ZBBX: variants seen among roughly 807,000 people sequenced by gnomAD.
ZBBX encodes zinc finger B-box domain-containing protein 1.
ZBBX carries 101 observed loss-of-function variants against 108.5 expected under a neutral mutation model. The ratio of observed to expected loss-of-function variants is 0.93; its 90% confidence interval spans 0.79 to 1.10. ZBBX has a LOEUF of 1.10. Among genes scored for constraint, ZBBX ranks in the 50% least tolerant of loss-of-function variants. The pLI, the probability that ZBBX is intolerant of heterozygous loss-of-function variation, is 0.00. For synonymous variants in ZBBX, 356 were observed against 323.4 expected (o/e 1.10, Z -1.08); for missense variants, 1,009 against 941.4 (o/e 1.07, Z -0.94).
chr3:167,223,297 T>C, the ZBBX span, among the ~76,000 whole-genome samples: 1 of 151,982 alleles, frequency 6.6e-6, no homozygotes, highest in Admixed American at 6.6e-5. Context: ...AGTGAAGGTC[T>C]TATTTCTTCT....
Position 167,318,848 on chromosome 3 carries a change from AG to A in ZBBX, c.984-1252del, listed in dbSNP as rs1257358452. On this transcript the variant is annotated intron_variant, in intron 12 of 21. Coordinates refer to ENST00000675490, the MANE Select transcript of ZBBX (RefSeq NM_001199201.2). ...AAAAAATATATACAGCCTGGACATT[AG>A]TTATAAATGAATTACCTTAAACCTC... Among the ~76,000 whole-genome samples, 5 of 152,074 alleles carry A rather than the reference AG, an allele frequency of 3.3e-5. No homozygotes were observed. The East Asian group carries it at 9.6e-4, about 29-fold the overall frequency.
intron 1 of ZBBX, among the ~76,000 whole-genome samples, chr3:167,402,735 ATAAG>A (rs890731593): frequency 5.3e-5 from 8 of 152,110 alleles, no homozygotes; most frequent in South Asian, 2.1e-4. Flanking sequence ...ATAAAATAAA[ATAAG>A]TAAGAAAAAT....
At chr3:167,364,639 GA>G (rs1745050974) in intron 6 of ZBBX, among the ~76,000 whole-genome samples, 1 of 151,934 alleles carries the variant, frequency 6.6e-6, no homozygotes, top group Non-Finnish European at 1.5e-5. Flanking sequence ...AGCACTTAAT[GA>G]GATAAGAAAG....
chr3:167,345,392 T>C (rs982500573), intron 9 of ZBBX, among the ~76,000 whole-genome samples: 4 of 152,036 alleles, frequency 2.6e-5, no homozygotes, highest in African/African-American at 7.2e-5. Context: ...ATATGCATTA[T>C]TCATATTTAA....
At chr3:167,269,511 CGTT>C (rs1726161813) in intron 20 of ZBBX, among the ~76,000 whole-genome samples, 1 of 152,112 alleles carries the variant, frequency 6.6e-6, no homozygotes, top group Non-Finnish European at 1.5e-5. Flanking sequence ...TGTATTCACT[CGTT>C]GTGAAGGAAA....
At chr3:167,270,914 C>T (rs887134339) in intron 20 of ZBBX, among the ~76,000 whole-genome samples, 7 of 152,172 alleles carry the variant, frequency 4.6e-5, no homozygotes, top group Non-Finnish European at 1.0e-4. Context: ...TAATTGACTA[C>T]CAAAGGTCAG....
intron 20 of ZBBX, among the ~76,000 whole-genome samples, chr3:167,268,427 G>C (rs1191675010): frequency 6.6e-6 from 1 of 151,800 alleles, no homozygotes; most frequent in Non-Finnish European, 1.5e-5. Flanking sequence ...AAAGCTTCCT[G>C]GCCAAGACCC....
chr3:167,381,394 C>A (rs532838042), upstream of ZBBX: 1 of 152,182 alleles, frequency 6.6e-6, no homozygotes, highest in Admixed American at 6.5e-5. Context: ...TACAGTTAGT[C>A]CATACGTAAT....
intron 12 of ZBBX, 149 bp downstream of exon 12, chr3:167,321,968 G>A (rs975243487): frequency 5.6e-5 from 23 of 414,378 alleles, no homozygotes; most frequent in Non-Finnish European, 8.1e-5. Flanking sequence ...TATTGGAACA[G>A]CAACTTCACA....
chr3:167,263,032 G>GTTTTT (rs1192290285), intron 20 of ZBBX, among the ~76,000 whole-genome samples: 16 of 111,040 alleles, frequency 1.4e-4, no homozygotes, highest in South Asian at 6.3e-4. Flanking sequence ...TGCTTTTCTA[G>GTTTTT]TTCTTTTTTT....
chr3:167,212,621 T>G, the ZBBX span, among the ~76,000 whole-genome samples: 1 of 152,156 alleles, frequency 6.6e-6, no homozygotes, highest in South Asian at 2.1e-4. Context: ...TTGGGCTAAC[T>G]GCACTGATGA....
At chr3:167,243,408 T>C (rs1007075090) in intron 20 of ZBBX, among the ~76,000 whole-genome samples, 2 of 152,132 alleles carry the variant, frequency 1.3e-5, no homozygotes, top group Admixed American at 1.3e-4. Context: ...TCTTCCCTTT[T>C]TTTTTTTTAG....
intron 20 of ZBBX, among the ~76,000 whole-genome samples, chr3:167,246,767 G>A (rs1347063578): frequency 6.6e-6 from 1 of 152,154 alleles, no homozygotes; most frequent in Non-Finnish European, 1.5e-5. Flanking sequence ...CTGACAAAGT[G>A]TCTTTATAAG....
chr3:167,307,212 C>G (rs1030690529), intron 16 of ZBBX, among the ~76,000 whole-genome samples: 1 of 152,138 alleles, frequency 6.6e-6, no homozygotes, highest in Non-Finnish European at 1.5e-5. Context: ...AAAACTGGCA[C>G]AAGACGAGGA....
intron 17 of ZBBX, 42 bp from the exon 18 acceptor site, chr3:167,298,500 T>C: frequency 7.3e-7 from 1 of 1,374,652 alleles, no homozygotes; most frequent in Non-Finnish European, 9.7e-7. Context: ...TCTAACTCAT[T>C]AACACAAACA....
intron 7 of ZBBX, 79 bp from the exon 8 acceptor site, chr3:167,360,058 G>T: frequency 3.0e-6 from 2 of 660,148 alleles, no homozygotes; most frequent in Non-Finnish European, 4.7e-6. Flanking sequence ...ATGAAACTAT[G>T]CATACTTCCC....
chr3:167,239,235 C>T (rs182877629), downstream of ZBBX, among the ~76,000 whole-genome samples: 1,180 of 152,148 alleles, frequency 7.8e-3, 16 homozygotes, highest in Admixed American at 0.029. Flanking sequence ...ACTGATTTCA[C>T]GAGTCCCACC....
the ZBBX span, among the ~76,000 whole-genome samples, chr3:167,181,990 C>T: frequency 6.6e-5 from 10 of 152,240 alleles, no homozygotes; most frequent in African/African-American, 2.4e-4. Context: ...TGGTGTTTCC[C>T]GAAATTGGGG....
intron 20 of ZBBX, among the ~76,000 whole-genome samples, chr3:167,261,849 G>C (rs1724602522): frequency 6.7e-6 from 1 of 149,130 alleles, no homozygotes; most frequent in Non-Finnish European, 1.5e-5. Context: ...CTGCACACCA[G>C]ATTTGCACCC....
Sources: allele counts gnomAD v4.1 joint callset (sites outside exome capture counted in the v4.1 genomes callset), GRCh38; gene constraint gnomAD v4.1.1; transcripts MANE v1.5; gene names NCBI Gene and HGNC (gene_info 2026-07-23, HGNC 2026-07-21).